Variants in GRB14 observed in about 807,000 individuals in gnomAD.
GRB14 encodes growth factor receptor-bound protein 14.
A neutral mutation model predicts 69.1 loss-of-function variants in GRB14; 38 were observed. The observed-to-expected ratio is 0.55, with a 90% CI of 0.42 to 0.72. The LOEUF (loss-of-function observed/expected upper bound fraction) is 0.72, where lower values mean the gene tolerates loss of function less well. Ranked by LOEUF, GRB14 falls within the 30% of genes least tolerant of loss-of-function variation. The pLI is 0.00. For synonymous variants in GRB14, 247 were observed against 241.3 expected (o/e 1.02, Z -0.22); for missense variants, 666 against 666.1 (o/e 1.00, Z 0.00).
At chr2:164,527,176 AATATATATATAT>A (rs57531034) in intron 3 of GRB14, 41 bp from the exon 4 acceptor site, 40,988 of 248,788 alleles carry the variant, frequency 0.16, 3,694 homozygotes, top group African/African-American at 0.23. Flanking sequence ...CAGATAGACA[AATATATATATAT>A]ATATATATAT....
chr2:164,553,886 G>A (rs12994509), intron 2 of GRB14, among the ~76,000 whole-genome samples: 9 of 152,042 alleles, frequency 5.9e-5, no homozygotes, highest in Non-Finnish European at 1.3e-4. Context: ...CCCAGGAGGC[G>A]GAGGTTGCGG....
chr2:164,531,318 A>C (rs371237882), intron 3 of GRB14, among the ~76,000 whole-genome samples: 94 of 152,362 alleles, frequency 6.2e-4, no homozygotes, highest in African/African-American at 2.2e-3. Context: ...TATTAAATGC[A>C]CTATGTGCTA....
At chr2:164,588,008 A>G (rs1689576838) in intron 2 of GRB14, among the ~76,000 whole-genome samples, 1 of 152,144 alleles carries the variant, frequency 6.6e-6, no homozygotes, top group Non-Finnish European at 1.5e-5. Context: ...CTTCCCAACT[A>G]CCCTTTCCTA....
chr2:164,605,833 G>A (rs1690028011), intron 2 of GRB14, among the ~76,000 whole-genome samples: 1 of 152,118 alleles, frequency 6.6e-6, no homozygotes, highest in Non-Finnish European at 1.5e-5. Context: ...AGAAGCTCTA[G>A]AAAGGACTAT....
At chr2:164,541,591 G>C (rs1044059870) in intron 3 of GRB14, among the ~76,000 whole-genome samples, 11 of 151,346 alleles carry the variant, frequency 7.3e-5, no homozygotes, top group Non-Finnish European at 1.5e-4. Context: ...CTCCACCTCA[G>C]GCAAAAGAGA....
Position 164,502,337 on chromosome 2 carries a change from T to G in GRB14, c.1024-2A>C. The G allele has an allele frequency of 6.5e-7, 1 of 1,532,056 alleles. No homozygotes were observed. Among genetic ancestry groups the G allele is most frequent in the Non-Finnish European group, 9.0e-7 (1 of 1,107,706 alleles). The allele number at this position is 1,532,056 out of a possible 1,614,324, so 94.9% of individuals were successfully genotyped here. A position where few individuals can be genotyped will look rare whatever the true frequency, so the allele number is the denominator to read the frequency against. ...ATTCTGGTACAGCTGCATGCCATAC[T>G]GCAGAATAAATAAATAAAACACATT... On this transcript the variant is annotated splice_acceptor_variant, in intron 8 of 13. Transcript: ENST00000263915. LOFTEE classifies it high-confidence loss of function.
At chr2:164,613,169 C>T (rs1332479070) in intron 2 of GRB14, among the ~76,000 whole-genome samples, 3 of 152,202 alleles carry the variant, frequency 2.0e-5, no homozygotes, top group African/African-American at 7.2e-5. Flanking sequence ...GACAAAGGAG[C>T]TGAACACTCT....
intron 2 of GRB14, among the ~76,000 whole-genome samples, chr2:164,597,884 G>C (rs970791508): frequency 1.3e-5 from 2 of 152,128 alleles, no homozygotes; most frequent in African/African-American, 2.4e-5. Context: ...AGAGGAAGCT[G>C]TTGGGCAGAT....
At chr2:164,594,361 A>G (rs1333171142) in intron 2 of GRB14, among the ~76,000 whole-genome samples, 1 of 152,218 alleles carries the variant, frequency 6.6e-6, no homozygotes, top group Non-Finnish European at 1.5e-5. Context: ...ATGCATCCAC[A>G]TGGCTATTTT....
chr2:164,589,081 T>C (rs994690085), intron 2 of GRB14, among the ~76,000 whole-genome samples: 2 of 152,218 alleles, frequency 1.3e-5, no homozygotes, highest in African/African-American at 4.8e-5. Flanking sequence ...GTAGGTTGAA[T>C]GTACATATCA....
At chr2:164,601,021 A>G (rs1353904644) in intron 2 of GRB14, among the ~76,000 whole-genome samples, 1 of 152,072 alleles carries the variant, frequency 6.6e-6, no homozygotes, top group Admixed American at 6.6e-5. Flanking sequence ...TCTCCACTTC[A>G]TCTACTTTGT....
At chr2:164,523,550 G>GT (rs1687691366) in intron 5 of GRB14, among the ~76,000 whole-genome samples, 2 of 152,174 alleles carry the variant, frequency 1.3e-5, no homozygotes, top group Non-Finnish European at 2.9e-5. Context: ...AGATATTTAT[G>GT]TTTTTTAAAG....
At chr2:164,562,497 T>G (rs1442332766) in intron 2 of GRB14, among the ~76,000 whole-genome samples, 2 of 152,178 alleles carry the variant, frequency 1.3e-5, no homozygotes, top group Non-Finnish European at 2.9e-5. Context: ...GAAAAACCAC[T>G]TTTTGTTTGA....
At chr2:164,574,174 T>C (rs1574323430) in intron 2 of GRB14, 2 of 598,944 alleles carry the variant, frequency 3.3e-6, no homozygotes, top group South Asian at 4.2e-5. Flanking sequence ...GCTGATCTGA[T>C]CCACCACTAG....
intron 5 of GRB14, 149 bp downstream of exon 5, chr2:164,524,855 G>A (rs1687726725): frequency 1.9e-6 from 1 of 529,894 alleles, no homozygotes; most frequent in Non-Finnish European, 3.3e-6. Flanking sequence ...TTGCCTGGGT[G>A]CATTTTTTTT....
intron 6 of GRB14, among the ~76,000 whole-genome samples, chr2:164,513,451 A>G (rs1238040204): frequency 6.6e-6 from 1 of 152,212 alleles, no homozygotes; most frequent in Non-Finnish European, 1.5e-5. Context: ...GTGTTGTTAT[A>G]AGAGACATAC....
intron 3 of GRB14, among the ~76,000 whole-genome samples, chr2:164,543,928 G>T (rs138052740): frequency 6.6e-6 from 1 of 152,080 alleles, no homozygotes; most frequent in African/African-American, 2.4e-5. Flanking sequence ...CTCTTACATC[G>T]GTAAAGAACT....
intron 3 of GRB14, among the ~76,000 whole-genome samples, chr2:164,535,553 T>G (rs748297245): frequency 1.3e-5 from 2 of 152,174 alleles, no homozygotes; most frequent in Non-Finnish European, 2.9e-5. Flanking sequence ...AAAACAATTT[T>G]TTGAATACCT....
intron 2 of GRB14, among the ~76,000 whole-genome samples, chr2:164,581,609 C>G (rs1464191791): frequency 6.6e-6 from 1 of 152,224 alleles, no homozygotes. Flanking sequence ...CCGCTGAGAT[C>G]TGGATTTCAG....
Sources: allele counts gnomAD v4.1 joint callset (sites outside exome capture counted in the v4.1 genomes callset), GRCh38; gene constraint gnomAD v4.1.1; transcripts MANE v1.5; gene names NCBI Gene and HGNC (gene_info 2026-07-23, HGNC 2026-07-21).